The following ANKH variants were observed in gnomAD, a reference collection of about 807,000 sequenced individuals.
ANKH encodes the protein ANKH inorganic pyrophosphate transport regulator.
A neutral mutation model predicts 49.0 loss-of-function variants in ANKH; 15 were observed. The observed-to-expected ratio is 0.31, with a 90% CI of 0.20 to 0.47. The LOEUF (loss-of-function observed/expected upper bound fraction) is 0.47, where lower values mean the gene tolerates loss of function less well. Among genes scored for constraint, ANKH ranks in the 20% least tolerant of loss-of-function variants. ANKH has a pLI of 1.00. For synonymous variants in ANKH, 273 were observed against 260.0 expected (o/e 1.05, Z -0.48); for missense variants, 429 against 652.0 (o/e 0.66, Z 3.72).
chr5:14,765,764 G>T (rs1007520283), intron 2 of ANKH, among the ~76,000 whole-genome samples: 1 of 152,218 alleles, frequency 6.6e-6, no homozygotes, highest in Non-Finnish European at 1.5e-5. Flanking sequence ...ACCTGAGCCT[G>T]TCTCAATCAT....
chr5:14,720,445 T>C (rs1371078013), intron 8 of ANKH, among the ~76,000 whole-genome samples: 1 of 152,208 alleles, frequency 6.6e-6, no homozygotes, highest in African/African-American at 2.4e-5. Context: ...CCTGGTATGG[T>C]GGCAACTTCA....
chr5:14,824,125 G>A (rs1249570172), intron 1 of ANKH, among the ~76,000 whole-genome samples: 1 of 152,004 alleles, frequency 6.6e-6, no homozygotes, highest in Non-Finnish European at 1.5e-5. Flanking sequence ...CATAGAGGCT[G>A]AAACAATCTG....
At chr5:14,780,700 A>G (rs1175582975) in intron 1 of ANKH, among the ~76,000 whole-genome samples, 1 of 152,232 alleles carries the variant, frequency 6.6e-6, no homozygotes, top group Non-Finnish European at 1.5e-5. Flanking sequence ...ACTTTCAGTA[A>G]GATGAATACT....
chr5:14,760,679 G>A (rs1739046695), intron 2 of ANKH, among the ~76,000 whole-genome samples: 1 of 152,242 alleles, frequency 6.6e-6, no homozygotes, highest in Non-Finnish European at 1.5e-5. Context: ...GGTAAAGGCA[G>A]CTGTGCCAGG....
At chr5:14,847,839 GT>G (rs1236887193) in intron 1 of ANKH, among the ~76,000 whole-genome samples, 1 of 152,166 alleles carries the variant, frequency 6.6e-6, no homozygotes, top group Admixed American at 6.5e-5. Flanking sequence ...TTTTAAATTT[GT>G]TTTCAAAGTT....
intron 4 of ANKH, among the ~76,000 whole-genome samples, chr5:14,751,849 T>C (rs1738730819): frequency 2.0e-5 from 3 of 152,216 alleles, no homozygotes; most frequent in Non-Finnish European, 1.5e-5. Flanking sequence ...GCATGGAATC[T>C]ATTTACTCAT....
At chr5:14,797,842 G>C in intron 1 of ANKH, 2 of 1,611,652 alleles carry the variant, frequency 1.2e-6, no homozygotes, top group East Asian at 2.2e-5. Flanking sequence ...CTGAGATTTA[G>C]GTTCCAAGAA....
At chr5:14,855,719 T>G (rs1475973825) in intron 1 of ANKH, among the ~76,000 whole-genome samples, 4 of 151,906 alleles carry the variant, frequency 2.6e-5, no homozygotes, top group Admixed American at 2.6e-4. Context: ...AAATGAAGAT[T>G]AAATTTAATC....
chr5:14,862,270 A>C (rs1735517606), intron 1 of ANKH, among the ~76,000 whole-genome samples: 1 of 152,210 alleles, frequency 6.6e-6, no homozygotes, highest in Non-Finnish European at 1.5e-5. Flanking sequence ...TTTTGCTATG[A>C]AGAAGCAACT....
intron 1 of ANKH, among the ~76,000 whole-genome samples, chr5:14,836,372 T>A (rs971158469): frequency 1.3e-5 from 2 of 152,158 alleles, no homozygotes; most frequent in African/African-American, 4.8e-5. Context: ...GAAAACCCCA[T>A]CATCTCAGCC....
intron 8 of ANKH, among the ~76,000 whole-genome samples, chr5:14,717,700 A>T (rs910560692): frequency 1.3e-5 from 2 of 152,222 alleles, no homozygotes; most frequent in African/African-American, 4.8e-5. Flanking sequence ...GGCCCAGGGC[A>T]GAGTTACTAC....
chr5:14,836,592 C>T (rs546046732), intron 1 of ANKH, among the ~76,000 whole-genome samples: 3 of 152,290 alleles, frequency 2.0e-5, no homozygotes, highest in Admixed American at 6.5e-5. Flanking sequence ...AGGAGGACTA[C>T]AAACCACTGC....
chr5:14,815,838 C>T (rs989331542), intron 1 of ANKH, among the ~76,000 whole-genome samples: 5 of 152,198 alleles, frequency 3.3e-5, no homozygotes, highest in East Asian at 1.9e-4. Flanking sequence ...CAAACACGAT[C>T]GGGAATTTTG....
intron 1 of ANKH, among the ~76,000 whole-genome samples, chr5:14,791,919 C>T (rs1421513136): frequency 6.6e-6 from 1 of 152,186 alleles, no homozygotes; most frequent in Non-Finnish European, 1.5e-5. Context: ...AGGCAAGAAC[C>T]ATGGACCACA....
intron 8 of ANKH, among the ~76,000 whole-genome samples, chr5:14,728,220 C>T (rs1344774185): frequency 6.6e-6 from 1 of 152,244 alleles, no homozygotes; most frequent in Non-Finnish European, 1.5e-5. Context: ...CAGATAGATG[C>T]CTTATTAGCT....
intron 1 of ANKH, among the ~76,000 whole-genome samples, chr5:14,786,779 A>G (rs1437804011): frequency 1.3e-5 from 2 of 152,186 alleles, no homozygotes; most frequent in African/African-American, 4.8e-5. Flanking sequence ...ATTATAATTA[A>G]AAGTGTGACA....
intron 1 of ANKH, among the ~76,000 whole-genome samples, chr5:14,848,105 A>G (rs954256967): frequency 8.6e-5 from 13 of 152,034 alleles, no homozygotes; most frequent in African/African-American, 2.9e-4. Context: ...GTGCCACTAC[A>G]CTCCAGCCTG....
intron 1 of ANKH, among the ~76,000 whole-genome samples, chr5:14,787,671 T>C (rs771592973): frequency 6.6e-6 from 1 of 152,194 alleles, no homozygotes; most frequent in Non-Finnish European, 1.5e-5. Context: ...ATGAAATGCC[T>C]AATTTTCTAG....
intron 6 of ANKH, among the ~76,000 whole-genome samples, chr5:14,747,120 C>T (rs1177127172): frequency 2.0e-5 from 3 of 152,182 alleles, no homozygotes; most frequent in Admixed American, 2.0e-4. Context: ...TGACATTTTG[C>T]GTGGTTGTTG....
Sources: allele counts gnomAD v4.1 joint callset (sites outside exome capture counted in the v4.1 genomes callset), GRCh38; gene constraint gnomAD v4.1.1; transcripts MANE v1.5; gene names NCBI Gene and HGNC (gene_info 2026-07-23, HGNC 2026-07-21).